MMP24: variants seen among roughly 807,000 people sequenced by gnomAD.
MMP24 encodes the protein matrix metalloproteinase-24.
A neutral mutation model predicts 62.8 loss-of-function variants in MMP24; 25 were observed. The observed-to-expected ratio is 0.40, with a 90% confidence interval of 0.29 to 0.56. The LOEUF (loss-of-function observed/expected upper bound fraction) is 0.56. Among genes scored for constraint, MMP24 ranks in the 20% least tolerant of loss-of-function variants. MMP24 has a pLI of 0.50. For synonymous variants in MMP24, 319 were observed against 350.5 expected (o/e 0.91, Z 1.00); for missense variants, 634 against 853.6 (o/e 0.74, Z 3.21).
chr20:35,227,888 A>G (rs1174901632), intron 1 of MMP24, among the ~76,000 whole-genome samples: 2 of 152,162 alleles, frequency 1.3e-5, no homozygotes, highest in African/African-American at 4.8e-5. Context: ...ATGGAATTGG[A>G]ATTCTAACCT....
intron 2 of MMP24, among the ~76,000 whole-genome samples, chr20:35,248,954 C>T (rs535005995): frequency 4.6e-5 from 7 of 152,222 alleles, no homozygotes; most frequent in African/African-American, 1.4e-4. Context: ...TGTTGGATGG[C>T]GCTCAGAGAG....
rs1376242411 is a variant in MMP24, at chr20:35,275,644, A to G, written c.*1035A>G. On this transcript the variant is annotated 3_prime_UTR_variant, in exon 9 of 9. Coordinates refer to ENST00000246186, the MANE Select transcript of MMP24 (RefSeq NM_006690.4). ...AGGCAGAGATGGCTGCAGGGCCAACACTGGCAGAGCCTGGGAGTCCTTCGG... is the reference window on the plus strand; with the variant it reads ...AGGCAGAGATGGCTGCAGGGCCAACGCTGGCAGAGCCTGGGAGTCCTTCGG... 5.8e-6 allele frequency: 1 copy of G among 172,840 alleles called. No homozygotes were observed. Among genetic ancestry groups the G allele is most frequent in the Non-Finnish European group, 1.2e-5 (1 of 82,280 alleles). 10.7% of individuals were successfully genotyped at this position (172,840 alleles called of 1,614,324 possible). A position where few individuals can be genotyped will look rare whatever the true frequency, so the allele number is the denominator to read the frequency against.
Position 35,226,797 on chromosome 20 carries a change from C to T in MMP24, c.59C>T (p.Pro20Leu), listed in dbSNP as rs2060414926. The change falls in exon 1 of 9, where the codon CCG becomes CTG. Residue 20 changes from proline (P) to leucine (L), a missense_variant. Pro to Leu is a moderately conservative substitution (Grantham distance 98, BLOSUM62 -3). Transcript: ENST00000246186. ...GGGCCGCCGCCGCCGCCGCCGCCGC[C>T]GGGCCAGGCCCCGCGCTGGAGCCGC... ...APGPPPPPPP[P>L]GQAPRWSRWR... is the part of the protein sequence containing the mutation. The T allele has an allele frequency of 1.0e-6, 1 of 972,652 alleles. No homozygotes were observed. Among genetic ancestry groups the T allele is most frequent in the Non-Finnish European group, 1.2e-6 (1 of 822,292 alleles). 60.3% of individuals were successfully genotyped at this position (972,652 alleles called of 1,614,324 possible). A position where few individuals can be genotyped will look rare whatever the true frequency, so the allele number is the denominator to read the frequency against.
chr20:35,235,365 C>T (rs2060457864), intron 1 of MMP24, among the ~76,000 whole-genome samples: 1 of 152,122 alleles, frequency 6.6e-6, no homozygotes, highest in South Asian at 2.1e-4. Flanking sequence ...GATTGTACCA[C>T]TGCACTGCAG....
At chr20:35,267,696 C>T (rs927008634) in intron 6 of MMP24, among the ~76,000 whole-genome samples, 1 of 152,196 alleles carries the variant, frequency 6.6e-6, no homozygotes, top group African/African-American at 2.4e-5. Context: ...TGTGACCACC[C>T]TTCTTGGGAC....
At chr20:35,266,941 G>A (rs931106269) in intron 5 of MMP24, among the ~76,000 whole-genome samples, 3 of 152,126 alleles carry the variant, frequency 2.0e-5, no homozygotes, top group African/African-American at 7.2e-5. Context: ...AAGGAAGAGC[G>A]CTGACCCTAA....
At chr20:35,267,854 C>A in intron 6 of MMP24, 1 of 193,400 alleles carries the variant, frequency 5.2e-6, no homozygotes, top group Admixed American at 5.6e-5. Flanking sequence ...CCTACCAAGG[C>A]TTGAGGGGCT....
intron 8 of MMP24, chr20:35,272,190 A>G: frequency 2.3e-6 from 1 of 431,758 alleles, no homozygotes; most frequent in South Asian, 7.6e-5. Flanking sequence ...CCACTTTTTC[A>G]CAGGGCTCGA....
intron 6 of MMP24, among the ~76,000 whole-genome samples, chr20:35,268,434 C>T (rs2060647580): frequency 6.6e-6 from 1 of 152,206 alleles, no homozygotes; most frequent in Non-Finnish European, 1.5e-5. Context: ...GAGCACTGCG[C>T]AGGAATCGGG....
rs745653266 is a variant in MMP24 at position 35,274,389 on chromosome 20, A to T, written c.1718A>T (p.Glu573Val). ...LRDWMGCNQK[E>V]VERRKERRLP... ...GACTGGATGGGCTGCAACCAGAAGGAGGTGGAGCGGCGGAAGGAGCGGCGG... is the reference window on the plus strand; with the variant it reads ...GACTGGATGGGCTGCAACCAGAAGGTGGTGGAGCGGCGGAAGGAGCGGCGG... The change falls in exon 9 of 9, where the codon GAG becomes GTG. Residue 573 changes from glutamate to valine, a missense_variant. Glu to Val is a moderately radical substitution (Grantham distance 121, BLOSUM62 -2). Coordinates refer to ENST00000246186, the MANE Select transcript of MMP24 (RefSeq NM_006690.4). The surrounding 1 kb of genome is among the most constrained non-coding windows in gnomAD (Gnocchi z 5.1). 5.6e-6 allele frequency: 9 copies of T among 1,613,972 alleles called. No homozygotes were observed. The Admixed American group carries it at 1.5e-4, about 27-fold the overall frequency.
Position 35,274,606 on chromosome 20 carries a change from G to A in MMP24, c.1935G>A (p.Val645=), listed in dbSNP as rs764254652. 2.5e-6 allele frequency: 4 copies of A among 1,606,460 alleles called. No individual in the cohort carries two copies. Among genetic ancestry groups the A allele is most frequent in the South Asian group, 1.1e-5 (1 of 89,972 alleles). The change falls in exon 9 of 9, where the codon GTG becomes GTA. Residue 645 remains valine (V), a synonymous_variant. Coordinates refer to ENST00000246186, the MANE Select transcript of MMP24 (RefSeq NM_006690.4). This position sits in a 1 kb window ranked among gnomAD's most constrained non-coding sequence, Gnocchi z 5.1. ...ATAAGCGGCCAGTCCAGGAATGGGTGTGAGCAGCCCAGAGCCCTCTCTATC... is the reference window on the plus strand; with the variant it reads ...ATAAGCGGCCAGTCCAGGAATGGGTATGAGCAGCCCAGAGCCCTCTCTATC... ...TYYKRPVQEW[V]
In MMP24 at chr20:35,275,743, C is replaced by CTCAT. The variant is rs2060700471; in HGVS notation, c.*1137_*1138insTTCA. The CTCAT allele has an allele frequency of 6.0e-6, 2 of 333,368 alleles. No homozygotes were observed. Among genetic ancestry groups the CTCAT allele is most frequent in the Middle Eastern group, 7.8e-4 (1 of 1,274 alleles). The allele number at this position is 333,368 out of a possible 1,614,324, so 20.7% of individuals were successfully genotyped here. A position where few individuals can be genotyped will look rare whatever the true frequency, so the allele number is the denominator to read the frequency against. ...CCGACTCCAGCTACTCTGAGGCCGA[C>CTCAT]TCAATCTCTCGGCTGGAAGCAGTGT... On this transcript the variant is annotated 3_prime_UTR_variant, in exon 9 of 9. Transcript: ENST00000246186.
chr20:35,240,224 T>C (rs1367191744), intron 1 of MMP24, among the ~76,000 whole-genome samples: 1 of 152,080 alleles, frequency 6.6e-6, no homozygotes, highest in Non-Finnish European at 1.5e-5. Flanking sequence ...TATTCTCTGC[T>C]CTCTCCTTTC....
chr20:35,264,907 GCACAGGCACCCACAGCC>G (rs1043271243), intron 5 of MMP24, among the ~76,000 whole-genome samples: 13 of 152,042 alleles, frequency 8.6e-5, no homozygotes, highest in African/African-American at 3.1e-4. Flanking sequence ...TGTCAAGACA[GCACAGGCACCCACAGCC>G]CACAGGCTAC....
At chr20:35,246,721 A>G (rs1472764567) in intron 1 of MMP24, 119 bp from the exon 2 acceptor site, 6 of 1,170,728 alleles carry the variant, frequency 5.1e-6, no homozygotes, top group East Asian at 4.7e-5. Flanking sequence ...AAGAACTCAG[A>G]GCATGAGTCC....
Position 35,274,139 on chromosome 20 carries a change from C to T in MMP24, c.1601-133C>T, listed in dbSNP as rs1363331990. The T allele has an allele frequency of 2.1e-5, 18 of 839,888 alleles. No individual in the cohort carries two copies. In the East Asian group the frequency reaches 4.7e-4, roughly 22 times the overall value. 52.0% of individuals were successfully genotyped at this position (839,888 alleles called of 1,614,324 possible). On this transcript the variant is annotated intron_variant, in intron 8 of 8. Transcript: ENST00000246186. The surrounding 1 kb of genome is among the most constrained non-coding windows in gnomAD (Gnocchi z 5.1). ...CTTCTTACTCCATGACTCAGCCAAG[C>T]ACTGCACCCCAAACCTCCAGGTGTG...
intron 2 of MMP24, among the ~76,000 whole-genome samples, chr20:35,247,436 G>A (rs961868576): frequency 5.9e-5 from 9 of 151,810 alleles, no homozygotes; most frequent in East Asian, 1.9e-4. Context: ...CCTGTCATCC[G>A]GCCCTCCAGA....
Position 35,226,935 on chromosome 20 carries a change from C to CGGTGGT in MMP24, c.202_203insTGGTGG (p.Val67_Ala68insValVal). On this transcript the variant is annotated inframe_insertion, in exon 1 of 9. Transcript: ENST00000246186. ...GGGGCAGGGAACCGGGCAGCGGTGG[C>CGGTGGT]GGTGGCGGTGGCGCGGGCGGACGAG... The CGGTGGT allele has an allele frequency of 1.0e-6, 1 of 979,984 alleles. No individual in the cohort carries two copies. The highest frequency in any genetic ancestry group is 1.2e-6 in the Non-Finnish European group (1 of 828,092). The allele number at this position is 979,984 out of a possible 1,614,324, so 60.7% of individuals were successfully genotyped here.
intron 2 of MMP24, among the ~76,000 whole-genome samples, chr20:35,247,641 G>A (rs1483381274): frequency 9.2e-5 from 14 of 152,202 alleles, no homozygotes; most frequent in Admixed American, 9.2e-4. Context: ...ACCCCACAAA[G>A]CCAGCCGAGA....
Sources: allele counts gnomAD v4.1 joint callset (sites outside exome capture counted in the v4.1 genomes callset), GRCh38; gene constraint gnomAD v4.1.1; non-coding constraint Gnocchi (gnomAD v3.1); transcripts MANE v1.5; gene names NCBI Gene and HGNC (gene_info 2026-07-23, HGNC 2026-07-21).